ANO6: variants seen among roughly 807,000 people sequenced by gnomAD.
ANO6 encodes anoctamin-6.
A neutral mutation model predicts 117.5 loss-of-function variants in ANO6; 106 were observed. That is an observed-to-expected ratio of 0.90 (90% CI 0.77 to 1.06). ANO6 has a LOEUF of 1.06. Ranked by LOEUF, ANO6 falls within the 50% of genes least tolerant of loss-of-function variation. The pLI, the probability that ANO6 is intolerant of heterozygous loss-of-function variation, is 0.00. For missense variants in ANO6, 955 were observed against 1,121.1 expected, an observed-to-expected ratio of 0.85 and a Z score of 2.12; for synonymous variants, 367 against 385.1, an observed-to-expected ratio of 0.95 and a Z score of 0.55.
intron 2 of ANO6, among the ~76,000 whole-genome samples, chr12:45,323,166 C>G (rs1206436308): frequency 6.6e-6 from 1 of 152,184 alleles, no homozygotes; most frequent in African/African-American, 2.4e-5. Flanking sequence ...TTTAATCGCT[C>G]TTAACATATT....
At chr12:45,334,951 C>T (rs563544563) in intron 3 of ANO6, among the ~76,000 whole-genome samples, 44 of 151,798 alleles carry the variant, frequency 2.9e-4, no homozygotes, top group Non-Finnish European at 3.5e-4. Flanking sequence ...GCCTTCAAAC[C>T]GATGTGTTAG....
Position 45,317,113 on chromosome 12 carries a change from G to GTGTGTGTGTATATATATATATATA in ANO6, c.151-14181_151-14180insGTGTGTGTATATATATATATATAT. On this transcript the variant is annotated intron_variant, in intron 2 of 19. Transcript: ENST00000320560. ...AAAGACAGCTGGATTCTTTTTATAT[G>GTGTGTGTGTATATATATATATATA]TATATATATATATATATATTTATTA... is the stretch of plus-strand genomic sequence containing the variant. 7.5e-3 allele frequency among the ~76,000 whole-genome samples: 499 copies of GTGTGTGTGTATATATATATATATA among 66,376 alleles called. 24 individuals are homozygous for GTGTGTGTGTATATATATATATATA. The highest frequency in any genetic ancestry group is 0.014 in the Non-Finnish European group (386 of 27,098). The allele number at this position is 66,376 out of a possible 152,430, so 43.5% of individuals were successfully genotyped here.
intron 1 of ANO6, among the ~76,000 whole-genome samples, chr12:45,225,285 A>G (rs1034010973): frequency 2.0e-5 from 3 of 151,826 alleles, no homozygotes; most frequent in Non-Finnish European, 2.9e-5. Flanking sequence ...TTGTATTTTA[A>G]TAAGTTTTCA....
intron 12 of ANO6, among the ~76,000 whole-genome samples, chr12:45,392,566 G>A (rs988957627): frequency 6.6e-5 from 10 of 152,174 alleles, no homozygotes; most frequent in African/African-American, 2.2e-4. Context: ...CCTGACCCCC[G>A]TGTAGCCTAA....
intron 1 of ANO6, among the ~76,000 whole-genome samples, chr12:45,285,759 G>T (rs865912675): frequency 7.9e-5 from 12 of 151,962 alleles, no homozygotes; most frequent in African/African-American, 2.7e-4. Context: ...AAAAAAAAAG[G>T]CTCCCAAGTA....
intron 3 of ANO6, among the ~76,000 whole-genome samples, chr12:45,335,795 A>G (rs1328773213): frequency 6.6e-6 from 1 of 152,002 alleles, no homozygotes. Context: ...CTATTGTCAG[A>G]GGCATTTTAA....
chr12:45,334,088 T>C lies in ANO6; in HGVS notation c.279+2665T>C, dbSNP rs184645865. Reference sequence around the variant, plus strand: ...TTTCTAGCCAAACCTCCAAATATCATGTAACTTGGGCCACTCATATGACCA... The same window carrying C: ...TTTCTAGCCAAACCTCCAAATATCACGTAACTTGGGCCACTCATATGACCA... On this transcript the variant is annotated intron_variant, in intron 3 of 19. Transcript: ENST00000320560. Among the ~76,000 whole-genome samples, 282 of 152,138 alleles carry C rather than the reference T, an allele frequency of 1.9e-3. 2 individuals carry two copies. The highest frequency in any genetic ancestry group is 3.7e-3 in the Admixed American group (56 of 15,258).
chr12:45,357,143 C>T, intron 7 of ANO6, 147 bp from the exon 8 acceptor site: 1 of 834,574 alleles, frequency 1.2e-6, no homozygotes, highest in Non-Finnish European at 1.9e-6. Context: ...AATTCAGGGT[C>T]TGCTGTGAAA....
chr12:45,267,553 G>T (rs531792363), intron 1 of ANO6, among the ~76,000 whole-genome samples: 1 of 152,300 alleles, frequency 6.6e-6, no homozygotes, highest in South Asian at 2.1e-4. Context: ...ACTTTGGGAG[G>T]CCGAGGCGGG....
intron 9 of ANO6, among the ~76,000 whole-genome samples, chr12:45,375,943 C>T (rs76655745): frequency 0.77 from 108,244 of 140,678 alleles, 43,849 homozygotes; most frequent in Non-Finnish European, 0.91. Flanking sequence ...AGAAAATTTT[C>T]GCAACCTACT....
chr12:45,238,041 G>C (rs1947674579), intron 1 of ANO6, among the ~76,000 whole-genome samples: 1 of 152,076 alleles, frequency 6.6e-6, no homozygotes, highest in Non-Finnish European at 1.5e-5. Flanking sequence ...TGGTGTATAG[G>C]AATGCTTGTG....
intron 9 of ANO6, among the ~76,000 whole-genome samples, chr12:45,373,681 A>C (rs1416980139): frequency 6.6e-6 from 1 of 152,240 alleles, no homozygotes; most frequent in African/African-American, 2.4e-5. Flanking sequence ...AAGACACAAC[A>C]TACCGGAATC....
intron 1 of ANO6, among the ~76,000 whole-genome samples, chr12:45,272,273 A>G (rs1028962841): frequency 6.6e-6 from 1 of 152,024 alleles, no homozygotes; most frequent in African/African-American, 2.4e-5. Flanking sequence ...TCTATCACAC[A>G]AACTTCAGAG....
chr12:45,266,040 C>T (rs7304481), intron 1 of ANO6, among the ~76,000 whole-genome samples: 2 of 152,046 alleles, frequency 1.3e-5, no homozygotes, highest in African/African-American at 4.8e-5. Flanking sequence ...GGCTTAGACC[C>T]TATATCCTTG....
chr12:45,428,740 T>C (rs1943564701), intron 19 of ANO6, among the ~76,000 whole-genome samples: 1 of 152,206 alleles, frequency 6.6e-6, no homozygotes, highest in Non-Finnish European at 1.5e-5. Context: ...TAGCACTGAC[T>C]TTTGGAGAAG....
intron 1 of ANO6, among the ~76,000 whole-genome samples, chr12:45,263,715 G>A (rs1204142935): frequency 6.6e-6 from 1 of 152,114 alleles, no homozygotes; most frequent in African/African-American, 2.4e-5. Flanking sequence ...AGCCAAGGAG[G>A]GTCAGAGGCA....
intron 1 of ANO6, chr12:45,292,657 C>A: frequency 8.2e-7 from 1 of 1,217,556 alleles, no homozygotes; most frequent in African/African-American, 1.6e-5. Flanking sequence ...TGTTTAACTT[C>A]TAGATGTATT....
intron 2 of ANO6, among the ~76,000 whole-genome samples, chr12:45,316,383 G>T (rs1335401974): frequency 6.6e-6 from 1 of 152,086 alleles, no homozygotes; most frequent in Non-Finnish European, 1.5e-5. Flanking sequence ...GTAAACCTCA[G>T]CTAGCTGCGG....
At chr12:45,288,111 T>A (rs1938976883) in intron 1 of ANO6, among the ~76,000 whole-genome samples, 1 of 152,134 alleles carries the variant, frequency 6.6e-6, no homozygotes, top group Non-Finnish European at 1.5e-5. Context: ...GAGCATGTAG[T>A]AGGTCTCATT....
Sources: allele counts gnomAD v4.1 joint callset (sites outside exome capture counted in the v4.1 genomes callset), GRCh38; gene constraint gnomAD v4.1.1; transcripts MANE v1.5; gene names NCBI Gene and HGNC (gene_info 2026-07-23, HGNC 2026-07-21).